Variants in NUMA1 observed in about 807,000 individuals in gnomAD.
NUMA1 encodes the protein SP-H antigen.
NUMA1 carries 62 observed loss-of-function variants against 237.1 expected under a neutral mutation model. The observed-to-expected ratio is 0.26, with a 90% CI of 0.21 to 0.32. The LOEUF is 0.32. NUMA1 is among the 10% of genes least tolerant of loss of function. The pLI is 1.00. For missense variants in NUMA1, 2,533 were observed against 2,666.5 expected (o/e 0.95, Z 1.10); for synonymous variants, 1,028 against 1,066.1 (o/e 0.96, Z 0.70).
intron 2 of NUMA1, among the ~76,000 whole-genome samples, chr11:72,056,989 T>C (rs1485811724): frequency 6.9e-6 from 1 of 144,234 alleles, no homozygotes; most frequent in East Asian, 2.0e-4. Context: ...ATAACAAAAA[T>C]GTGAAAAAAA....
chr11:72,030,958 G>A (rs1227028246), intron 3 of NUMA1, among the ~76,000 whole-genome samples: 5 of 152,108 alleles, frequency 3.3e-5, no homozygotes, highest in Non-Finnish European at 5.9e-5. Flanking sequence ...GGACCAGTGT[G>A]AGCTCAAATG....
chr11:72,016,389 T>G lies in NUMA1; in HGVS notation c.1242+19A>C. On this transcript the variant is annotated intron_variant, in intron 14 of 26. Transcript: ENST00000393695. The stretch of plus-strand genomic sequence containing the variant: ...TCCACACCAACCAGCAGCACACAGG[T>G]CTTTCTGTGCATTCCTACCTGCAAG... 1 of 1,612,734 alleles carries G rather than the reference T, an allele frequency of 6.2e-7. No homozygotes were observed. Among genetic ancestry groups the G allele is most frequent in the South Asian group, 1.1e-5 (1 of 90,960 alleles).
chr11:72,045,994 T>G (rs895717917), intron 2 of NUMA1, among the ~76,000 whole-genome samples: 1 of 152,214 alleles, frequency 6.6e-6, no homozygotes, highest in African/African-American at 2.4e-5. Context: ...AGCTTCCAGC[T>G]GTGCAGCTTC....
rs1465316026 is a variant in NUMA1 at position 72,013,365 on chromosome 11, G to A, written c.4138C>T (p.Arg1380Cys). 8.7e-6 allele frequency: 14 copies of A among 1,610,054 alleles called. No homozygotes were observed. Among genetic ancestry groups the A allele is most frequent in the Middle Eastern group, 1.6e-4 (1 of 6,062 alleles). ...LQAEQAAAEK[R>C]HREELEQSKQ... ...CTCTGCTCCAGCTCCTCACGGTGGC[G>A]TTTCTCGGCAGCGGCCTGCTCGGCC... The change falls in exon 15 of 27, where the codon CGC (arginine) becomes TGC (cysteine). Residue 1380 changes from arginine to cysteine, a missense_variant. Arg to Cys is a radical substitution (Grantham distance 180, BLOSUM62 -3). Transcript: ENST00000393695. This position sits in a 1 kb window ranked among gnomAD's most constrained non-coding sequence, Gnocchi z 6.8.
intron 20 of NUMA1, chr11:72,007,726 C>T (rs997426415): frequency 2.4e-5 from 11 of 464,010 alleles, no homozygotes; most frequent in African/African-American, 1.4e-4. Flanking sequence ...CAATCTAAGC[C>T]CACTTCTCTG....
intron 3 of NUMA1, among the ~76,000 whole-genome samples, chr11:72,030,715 C>G (rs1304614175): frequency 6.6e-6 from 1 of 152,166 alleles, no homozygotes; most frequent in Non-Finnish European, 1.5e-5. Flanking sequence ...ACTGAGCCTG[C>G]TTTAAGAAAC....
At position 72,013,877 on chromosome 11, in the gene NUMA1, C is replaced by G; in HGVS notation, c.3626G>C (p.Trp1209Ser). The change falls in exon 15 of 27, where the codon TGG becomes TCG. Residue 1209 changes from tryptophan to serine, a missense_variant. Coordinates refer to ENST00000393695, the MANE Select transcript of NUMA1 (RefSeq NM_006185.4). The surrounding 1 kb of genome is among the most constrained non-coding windows in gnomAD (Gnocchi z 6.8). ...VQDHSKAEDE[W>S]KAQVARGRQE... ...CCGGCCCCGGGCCACCTGGGCCTTC[C>G]ACTCATCTTCAGCCTTGCTGTGGTC... The G allele has an allele frequency of 3.1e-6, 5 of 1,613,886 alleles. No individual in the cohort carries two copies. The highest frequency in any genetic ancestry group is 4.2e-6 in the Non-Finnish European group (5 of 1,180,028).
chr11:72,017,696 C>T lies in NUMA1; in HGVS notation c.1110G>A (p.Leu370=), dbSNP rs1253962410. ...CCCAGCAGAGGGTTACCTTGTCCTG[C>T]AGGGCTGCGCTGAGCTCCTTCTCCA... is the stretch of plus-strand genomic sequence containing the variant. The part of the protein sequence containing the change: ...AQLEKELSAA[L]QDKKCLEEKN... Residue 370 remains leucine, a synonymous_variant, in exon 13 of 27, where the codon CTG becomes CTA. Coordinates refer to ENST00000393695, the MANE Select transcript of NUMA1 (RefSeq NM_006185.4). 1.9e-6 allele frequency: 3 copies of T among 1,613,018 alleles called. No homozygotes were observed. Among genetic ancestry groups the T allele is most frequent in the Non-Finnish European group, 2.5e-6 (3 of 1,180,038 alleles).
In NUMA1 at chr11:72,013,225, C is replaced by T. The variant is rs751676515; in HGVS notation, c.4278G>A (p.Leu1426=). The change falls in exon 15 of 27, where the codon CTG becomes CTA. Residue 1426 remains leucine, a synonymous_variant. Coordinates refer to ENST00000393695, the MANE Select transcript of NUMA1 (RefSeq NM_006185.4). The surrounding 1 kb of genome is among the most constrained non-coding windows in gnomAD (Gnocchi z 6.8). ...VAEQERTAQQ[L]RAEKASYAEQ... is the part of the protein sequence containing the mutation. ...CTGCATAGCTGGCCTTCTCTGCCCG[C>T]AGCTGCTGAGCTGTTCGCTCCTGCT... The T allele has an allele frequency of 5.0e-6, 8 of 1,608,744 alleles. No homozygotes were observed. The South Asian group carries it at 8.8e-5, about 18-fold the overall frequency.
intron 26 of NUMA1, 73 bp downstream of exon 26, chr11:72,003,814 A>G: frequency 6.7e-7 from 1 of 1,488,598 alleles, no homozygotes; most frequent in Admixed American, 1.9e-5. Flanking sequence ...CTTGGATGCT[A>G]CTTGGTGGGG....
Position 72,015,434 on chromosome 11 carries a change from T to C in NUMA1, c.2069A>G (p.Lys690Arg), listed in dbSNP as rs1956459303. 1 of 1,612,006 alleles carries C rather than the reference T, an allele frequency of 6.2e-7. No individual in the cohort carries two copies. Among genetic ancestry groups the C allele is most frequent in the African/African-American group, 1.3e-5 (1 of 75,042 alleles). The change falls in exon 15 of 27, where the codon AAA becomes AGA. Residue 690 changes from lysine (K) to arginine (R), a missense_variant. Around this residue, in one of 3 missense-constraint regions of NUMA1, gnomAD observed 1,414 missense variants for 1,508.1 expected, o/e 0.94. Transcript: ENST00000393695. The surrounding 1 kb of genome is among the most constrained non-coding windows in gnomAD (Gnocchi z 4.0). ...GTCCTTCTCCTGGGCCACCCTTTCT[T>C]TCTCAGTTGCTTTTTGCTGCTCAGA... ...LRSEQQKATE[K>R]ERVAQEKDQL...
At chr11:72,004,152 GCGT>G (rs2134341891) in intron 25 of NUMA1, 53 bp from the exon 26 acceptor site, 1 of 1,609,820 alleles carries the variant, frequency 6.2e-7, no homozygotes, top group South Asian at 1.1e-5. Context: ...TCCCAGGCCA[GCGT>G]GCTGTGCCAC....
At chr11:72,034,295 A>C (rs901282092) in intron 3 of NUMA1, among the ~76,000 whole-genome samples, 4 of 152,108 alleles carry the variant, frequency 2.6e-5, no homozygotes, top group Non-Finnish European at 5.9e-5. Flanking sequence ...ACTTGTGCAC[A>C]CTATATGTAT....
chr11:72,075,753 G>A (rs1943676340), intron 1 of NUMA1, among the ~76,000 whole-genome samples: 1 of 152,196 alleles, frequency 6.6e-6, no homozygotes, highest in South Asian at 2.1e-4. Context: ...TGTGGTTTCT[G>A]TTTTGCTGAT....
intron 1 of NUMA1, among the ~76,000 whole-genome samples, chr11:72,073,024 G>T (rs1943529544): frequency 7.6e-6 from 1 of 132,322 alleles, no homozygotes; most frequent in African/African-American, 3.0e-5. Flanking sequence ...TCAAGCCTGG[G>T]TGACACAGAG....
rs1444912123 is a variant in NUMA1 at position 72,006,040 on chromosome 11, G to A, written c.5687C>T (p.Pro1896Leu). 1 of 1,610,726 alleles carries A rather than the reference G, an allele frequency of 6.2e-7. No homozygotes were observed. Among genetic ancestry groups the A allele is most frequent in the Non-Finnish European group, 8.5e-7 (1 of 1,177,572 alleles). The change falls in exon 22 of 27, where the codon CCT becomes CTT. Residue 1896 changes from proline (P) to leucine (L), a missense_variant. Physicochemically the swap from Pro to Leu is moderately conservative, Grantham distance 98. Coordinates refer to ENST00000393695, the MANE Select transcript of NUMA1 (RefSeq NM_006185.4). ...RSQAGVSSGA[P>L]PGRNSFYMGT... ...AGTCCCTGTAGTCCCCTCACCTGGA[G>A]GGGCCCCACTGGACACCCCGGCCTG...
chr11:72,006,049 C>G lies in NUMA1; in HGVS notation c.5678G>C (p.Ser1893Thr), dbSNP rs1293448333. ...SARRSQAGVS[S>T]GAPPGRNSFY... ...AGTCCCCTCACCTGGAGGGGCCCCA[C>G]TGGACACCCCGGCCTGGGAACGACG... Residue 1893 changes from serine (S) to threonine (T), a missense_variant, in exon 22 of 27, where the codon AGT becomes ACT. Ser to Thr is a moderately conservative substitution (Grantham distance 58). Transcript: ENST00000393695. 3 of 1,612,322 alleles carry G rather than the reference C, an allele frequency of 1.9e-6. No individual in the cohort carries two copies. Among genetic ancestry groups the G allele is most frequent in the Non-Finnish European group, 2.5e-6 (3 of 1,178,684 alleles).
At chr11:72,039,184 T>G (rs559179189) in intron 2 of NUMA1, among the ~76,000 whole-genome samples, 1 of 152,332 alleles carries the variant, frequency 6.6e-6, no homozygotes, top group African/African-American at 2.4e-5. Flanking sequence ...AGCCTAGCCA[T>G]GATTTCCTAC....
At chr11:72,028,594 C>G (rs973676359) in intron 4 of NUMA1, among the ~76,000 whole-genome samples, 1 of 151,580 alleles carries the variant, frequency 6.6e-6, no homozygotes, top group Non-Finnish European at 1.5e-5. Flanking sequence ...AGACACAGAC[C>G]AAAAGGCCAA....
Sources: allele counts gnomAD v4.1 joint callset (sites outside exome capture counted in the v4.1 genomes callset), GRCh38; gene constraint gnomAD v4.1.1; regional missense constraint gnomAD v4.1.1; non-coding constraint Gnocchi (gnomAD v3.1); transcripts MANE v1.5; gene names NCBI Gene and HGNC (gene_info 2026-07-23, HGNC 2026-07-21).